Variants in NXPE2 observed in about 807,000 individuals in gnomAD.
NXPE2 encodes neurexophilin and PC-esterase domain family member 2.
In NXPE2, 34 loss-of-function variants were observed where a neutral mutation model predicts 34.4. The observed-to-expected ratio is 0.99, with a 90% CI of 0.75 to 1.31. The LOEUF (loss-of-function observed/expected upper bound fraction) is 1.31. NXPE2 is among the 40% of genes most tolerant of loss of function. The pLI is 0.00. For missense variants in NXPE2, 649 were observed against 672.5 expected (o/e 0.97, Z 0.39); for synonymous variants, 235 against 231.3 (o/e 1.02, Z -0.15).
the NXPE2 span, among the ~76,000 whole-genome samples, chr11:114,772,173 G>A: frequency 3.4e-3 from 523 of 152,252 alleles, 1 homozygote; most frequent in African/African-American, 0.011. Flanking sequence ...CAAAGATAGC[G>A]TGAACAGCTT....
At chr11:114,551,668 G>A in the NXPE2 span, among the ~76,000 whole-genome samples, 2 of 152,172 alleles carry the variant, frequency 1.3e-5, no homozygotes, top group African/African-American at 4.8e-5. Context: ...TGGGCAGGGA[G>A]GTGGGATGGG....
chr11:114,738,169 G>C, the NXPE2 span, among the ~76,000 whole-genome samples: 2 of 152,218 alleles, frequency 1.3e-5, no homozygotes, highest in Non-Finnish European at 2.9e-5. Flanking sequence ...GCTTGGCTCT[G>C]CTGGGCAGAC....
At chr11:114,578,070 C>G in the NXPE2 span, among the ~76,000 whole-genome samples, 1 of 152,086 alleles carries the variant, frequency 6.6e-6, no homozygotes, top group African/African-American at 2.4e-5. Flanking sequence ...ATCAGAACAT[C>G]AGGGCTAACT....
upstream of NXPE2, among the ~76,000 whole-genome samples, chr11:114,675,439 T>C (rs1950847522): frequency 6.6e-6 from 1 of 151,848 alleles, no homozygotes; most frequent in African/African-American, 2.4e-5. Flanking sequence ...GTTAGAACTG[T>C]TGAACAAATT....
chr11:114,466,961 A>G, the NXPE2 span, among the ~76,000 whole-genome samples: 1 of 152,208 alleles, frequency 6.6e-6, no homozygotes, highest in African/African-American at 2.4e-5. Flanking sequence ...TAAGTCCACA[A>G]ATAACACATC....
the NXPE2 span, among the ~76,000 whole-genome samples, chr11:114,601,620 T>TTATAATTATATATTA: frequency 0.065 from 86 of 1,330 alleles, no homozygotes; most frequent in African/African-American, 0.14. Flanking sequence ...TAATTATATA[T>TTATAATTATATATTA]TATATATTAT....
At chr11:114,634,139 T>C in the NXPE2 span, among the ~76,000 whole-genome samples, 14 of 151,626 alleles carry the variant, frequency 9.2e-5, no homozygotes, top group African/African-American at 3.1e-4. Flanking sequence ...TTCCTGACTT[T>C]TTAATGATTG....
At chr11:114,578,541 A>G in the NXPE2 span, among the ~76,000 whole-genome samples, 1 of 152,144 alleles carries the variant, frequency 6.6e-6, no homozygotes. Context: ...TCTTCCTTCC[A>G]TTGAGAATTT....
chr11:114,632,915 T>G, the NXPE2 span, among the ~76,000 whole-genome samples: 2 of 88,502 alleles, frequency 2.3e-5, no homozygotes, highest in South Asian at 3.5e-4. Context: ...CAATATTATA[T>G]TTTATATAAT....
the NXPE2 span, chr11:114,580,386 C>T: frequency 3.3e-5 from 50 of 1,532,678 alleles, no homozygotes; most frequent in Admixed American, 5.0e-5. Flanking sequence ...TCAAATTACC[C>T]GTCAGTATGT....
the NXPE2 span, among the ~76,000 whole-genome samples, chr11:114,765,457 T>G: frequency 2.7e-4 from 41 of 152,336 alleles, no homozygotes; most frequent in Middle Eastern, 6.8e-3. Flanking sequence ...GATATAATGC[T>G]GTTGCACATT....
At chr11:114,758,584 T>C in the NXPE2 span, among the ~76,000 whole-genome samples, 1 of 152,118 alleles carries the variant, frequency 6.6e-6, no homozygotes. Flanking sequence ...GTCCTAATTC[T>C]GTCACTGATG....
rs1449110456 is a variant in NXPE2 at position 114,705,788 on chromosome 11, G to C, written c.936G>C (p.Glu312Asp). ...GGAAATTTGTATTGCCAGAGAGCGA[G>C]AACATAAAAAAGAACTGCCAGATTG... Reference protein sequence around the residue: ...PIEVIPCNKSENIKKNCQIGM... With the variant: ...PIEVIPCNKSDNIKKNCQIGM... Residue 312 changes from glutamate (E) to aspartate (D), a missense_variant, in exon 5 of 6, where the codon GAG (glutamate) becomes GAC (aspartate). Glu to Asp is a conservative substitution (Grantham distance 45, BLOSUM62 2). Transcript: ENST00000389586. The C allele has an allele frequency of 6.9e-7, 1 of 1,459,592 alleles. No individual in the cohort carries two copies. The highest frequency in any genetic ancestry group is 2.8e-5 in the East Asian group (1 of 35,856). The allele number at this position is 1,459,592 out of a possible 1,614,324, so 90.4% of individuals were successfully genotyped here.
the NXPE2 span, among the ~76,000 whole-genome samples, chr11:114,616,654 G>T: frequency 4.0e-5 from 6 of 151,624 alleles, no homozygotes; most frequent in Non-Finnish European, 7.4e-5. Flanking sequence ...TGCCTATTGG[G>T]TAACCACTGT....
At position 114,707,032 on chromosome 11, in the gene NXPE2, A is replaced by G. The variant is rs1951492385; in HGVS notation, c.*102A>G. On this transcript the variant is annotated 3_prime_UTR_variant, in exon 6 of 6. Coordinates refer to ENST00000389586, the MANE Select transcript of NXPE2 (RefSeq NM_182495.6). Reference sequence around the variant, plus strand: ...CCAAGTTTTGAGGAAACTAAATTTGAAAAAGTTCTATTAAAGTTAAATATA... The same window carrying G: ...CCAAGTTTTGAGGAAACTAAATTTGGAAAAGTTCTATTAAAGTTAAATATA... 1 of 865,136 alleles carries G rather than the reference A, an allele frequency of 1.2e-6. No individual in the cohort carries two copies. Among genetic ancestry groups the G allele is most frequent in the African/African-American group, 1.7e-5 (1 of 58,780 alleles). The allele number at this position is 865,136 out of a possible 1,614,324, so 53.6% of individuals were successfully genotyped here. A position where few individuals can be genotyped will look rare whatever the true frequency, so the allele number is the denominator to read the frequency against.
the NXPE2 span, among the ~76,000 whole-genome samples, chr11:114,634,993 C>T: frequency 6.6e-6 from 1 of 151,988 alleles, no homozygotes; most frequent in Non-Finnish European, 1.5e-5. Context: ...TTTTCCAATT[C>T]TGTGAAGAAA....
At chr11:114,543,618 A>G in the NXPE2 span, among the ~76,000 whole-genome samples, 4 of 152,146 alleles carry the variant, frequency 2.6e-5, no homozygotes, top group Non-Finnish European at 5.9e-5. Context: ...AGATTTTTTA[A>G]CAAAGAAGAA....
the NXPE2 span, among the ~76,000 whole-genome samples, chr11:114,761,821 G>A: frequency 2.6e-5 from 4 of 151,840 alleles, no homozygotes; most frequent in African/African-American, 2.4e-5. Context: ...TGATCCACCC[G>A]CCTCGGCCTC....
chr11:114,570,255 G>A, the NXPE2 span, among the ~76,000 whole-genome samples: 1 of 152,120 alleles, frequency 6.6e-6, no homozygotes, highest in African/African-American at 2.4e-5. Flanking sequence ...GCAACCCAAA[G>A]TGCTAGGATT....
Sources: allele counts gnomAD v4.1 joint callset (sites outside exome capture counted in the v4.1 genomes callset), GRCh38; gene constraint gnomAD v4.1.1; transcripts MANE v1.5; gene names NCBI Gene and HGNC (gene_info 2026-07-23, HGNC 2026-07-21).